DCUN1D1: variants seen among roughly 807,000 people sequenced by gnomAD.
The protein encoded by DCUN1D1 is DCN1-like protein 1.
DCUN1D1 carries 3 observed loss-of-function variants against 39.0 expected under a neutral mutation model. That is an observed-to-expected ratio of 0.08 (90% CI 0.04 to 0.20). The LOEUF is 0.20. Among genes scored for constraint, DCUN1D1 ranks in the 10% least tolerant of loss-of-function variants. The probability of loss-of-function intolerance (pLI) is 1.00; values close to 1 mark genes in which losing one functional copy is unlikely to be tolerated. For synonymous variants in DCUN1D1, 82 were observed against 96.3 expected (o/e 0.85, Z 0.87); for missense variants, 158 against 302.4 (o/e 0.52, Z 3.54).
At position 182,974,283 on chromosome 3, in the gene DCUN1D1, C is replaced by T. The variant is rs144592202; in HGVS notation, c.3+6204G>A. Among the ~76,000 whole-genome samples, 248 of 152,162 alleles carry T rather than the reference C, an allele frequency of 1.6e-3. 1 individual carries two copies. The highest frequency in any genetic ancestry group is 5.9e-3 in the African/African-American group (245 of 41,546). On this transcript the variant is annotated intron_variant, in intron 1 of 6. Transcript: ENST00000292782. ...AAACAAAAAACAAAAGTTATTTTTG[C>T]TAATTTCTGATTATGATAAATAAAA...
chr3:182,951,789 C>T (rs900345898), intron 4 of DCUN1D1, among the ~76,000 whole-genome samples: 6 of 151,186 alleles, frequency 4.0e-5, no homozygotes, highest in South Asian at 2.1e-4. Context: ...CTCCGCCTCC[C>T]GGGTTCAAGT....
intron 4 of DCUN1D1, among the ~76,000 whole-genome samples, chr3:182,959,864 G>C (rs975007242): frequency 6.6e-6 from 1 of 152,158 alleles, no homozygotes; most frequent in African/African-American, 2.4e-5. Flanking sequence ...TTCTCCTTTT[G>C]CAACAGTGAG....
At chr3:182,979,600 T>TC (rs1553846258) in intron 1 of DCUN1D1, among the ~76,000 whole-genome samples, 93 of 137,102 alleles carry the variant, frequency 6.8e-4, no homozygotes, top group South Asian at 4.5e-3. Flanking sequence ...GAGGACTTTT[T>TC]CCCCCCCCCA....
intron 1 of DCUN1D1, among the ~76,000 whole-genome samples, chr3:182,973,613 C>G: frequency 6.6e-6 from 1 of 152,102 alleles, no homozygotes; most frequent in Non-Finnish European, 1.5e-5. Flanking sequence ...TTGAGACCAC[C>G]CTGGCCAACA....
chr3:182,945,029 G>C lies in DCUN1D1; in HGVS notation c.*65C>G, dbSNP rs1380885262. ...CAGTTCAGTCCAGCCAGCAGAAATT[G>C]ACTGTGCAATTTTCTGTTGTATTTA... On this transcript the variant is annotated 3_prime_UTR_variant, in exon 7 of 7. Coordinates refer to ENST00000292782, the MANE Select transcript of DCUN1D1 (RefSeq NM_020640.4). 7.3e-7 allele frequency: 1 copy of C among 1,367,958 alleles called. No individual in the cohort carries two copies. The highest frequency in any genetic ancestry group is 1.0e-6 in the Non-Finnish European group (1 of 963,038). The allele number at this position is 1,367,958 out of a possible 1,614,324, so 84.7% of individuals were successfully genotyped here.
intron 4 of DCUN1D1, among the ~76,000 whole-genome samples, chr3:182,959,060 G>C (rs900610332): frequency 6.6e-6 from 1 of 152,008 alleles, no homozygotes; most frequent in African/African-American, 2.4e-5. Flanking sequence ...TAAATTCAAA[G>C]ACTTTAACAG....
chr3:182,961,310 G>T lies in DCUN1D1; in HGVS notation c.436C>A (p.Gln146Lys). The T allele has an allele frequency of 6.2e-7, 1 of 1,605,248 alleles. No individual in the cohort carries two copies. The highest frequency in any genetic ancestry group is 1.1e-5 in the South Asian group (1 of 89,404). The part of the protein sequence containing the change: ...KLKAQIPKME[Q>K]ELKEPGRFKD... ...AATCGTCCTGGTTCTTTCAATTCTT[G>T]TTCCATCTTGGGTATCTGGGCCTTT... The change falls in exon 4 of 7, where the codon CAA (glutamine) becomes AAA (lysine). Residue 146 changes from glutamine (Q) to lysine (K), a missense_variant. Transcript: ENST00000292782.
intron 6 of DCUN1D1, among the ~76,000 whole-genome samples, chr3:182,946,019 C>T (rs1026466803): frequency 6.6e-6 from 1 of 151,870 alleles, no homozygotes; most frequent in East Asian, 1.9e-4. Flanking sequence ...TCCAGGACAC[C>T]GAGATCACAG....
upstream of DCUN1D1, chr3:182,980,570 G>C (rs980274068): frequency 2.4e-4 from 281 of 1,165,674 alleles, 1 homozygote; most frequent in Admixed American, 2.5e-3. Flanking sequence ...CTCCTCTCAC[G>C]GGCTTGCCCG....
chr3:182,968,767 T>C (rs1186338551), intron 1 of DCUN1D1, among the ~76,000 whole-genome samples: 1 of 151,996 alleles, frequency 6.6e-6, no homozygotes, highest in African/African-American at 2.4e-5. Flanking sequence ...GCCCAGCTGA[T>C]TTTTGTATTT....
At chr3:182,965,894 T>C (rs145604724) in intron 1 of DCUN1D1, 141 bp from the exon 2 acceptor site, 1 of 634,640 alleles carries the variant, frequency 1.6e-6, no homozygotes. Context: ...TTATTTTTGA[T>C]CTATTATTCA....
At position 182,944,536 on chromosome 3, in the gene DCUN1D1, C is replaced by G. The variant is rs7623786; in HGVS notation, c.*558G>C. The stretch of plus-strand genomic sequence containing the variant: ...TTGTTTTTTCATCAGATACTCACAT[C>G]AACAACACATGTGATTTGCCAGGAA... On this transcript the variant is annotated 3_prime_UTR_variant, in exon 7 of 7. Transcript: ENST00000292782. The G allele has an allele frequency of 6.6e-6, 1 of 152,036 alleles. No individual in the cohort carries two copies. The highest frequency in any genetic ancestry group is 1.5e-5 in the Non-Finnish European group (1 of 67,946). The allele number at this position is 152,036 out of a possible 1,614,324, so 9.4% of individuals were successfully genotyped here. A position where few individuals can be genotyped will look rare whatever the true frequency, so the allele number is the denominator to read the frequency against.
intron 4 of DCUN1D1, among the ~76,000 whole-genome samples, chr3:182,957,672 T>A: frequency 6.6e-6 from 1 of 151,750 alleles, no homozygotes; most frequent in East Asian, 1.9e-4. Context: ...CTAAAGCAGA[T>A]GGCAACAGAG....
chr3:182,983,551 A>G (rs906452343), upstream of DCUN1D1, among the ~76,000 whole-genome samples: 1 of 152,086 alleles, frequency 6.6e-6, no homozygotes, highest in Non-Finnish European at 1.5e-5. Context: ...TCCCATCTCT[A>G]CTAAAATTAA....
rs73883989 is a variant in DCUN1D1 at position 182,979,692 on chromosome 3, C to T, written c.3+795G>A. Among the ~76,000 whole-genome samples, 639 of 149,372 alleles carry T rather than the reference C, an allele frequency of 4.3e-3. 4 individuals carry two copies. Among genetic ancestry groups the T allele is most frequent in the African/African-American group, 0.015 (600 of 40,934 alleles). On this transcript the variant is annotated intron_variant, in intron 1 of 6. Coordinates refer to ENST00000292782, the MANE Select transcript of DCUN1D1 (RefSeq NM_020640.4). ...TAACTACTATAATAAAGCAATTACT[C>T]CTCCCACCCCCAAGCAAATAAAATA...
chr3:182,975,682 T>TA (rs56722976), intron 1 of DCUN1D1, among the ~76,000 whole-genome samples: 4,115 of 121,884 alleles, frequency 0.034, 87 homozygotes, highest in African/African-American at 0.066. Context: ...CTTGCTGGGT[T>TA]AAAAAAAAAA....
chr3:182,940,962 T>C lies in DCUN1D1; in HGVS notation c.*4132A>G, dbSNP rs547326086. Reference sequence around the variant, plus strand: ...AGAATTCCACTAACTACAAAGGCTGTGCATCTTTTACCATAACTTCCTTAT... The same window carrying C: ...AGAATTCCACTAACTACAAAGGCTGCGCATCTTTTACCATAACTTCCTTAT... On this transcript the variant is annotated 3_prime_UTR_variant, in exon 7 of 7. Coordinates refer to ENST00000292782, the MANE Select transcript of DCUN1D1 (RefSeq NM_020640.4). The C allele has an allele frequency of 2.0e-5, 3 of 152,254 alleles. No homozygotes were observed. Among genetic ancestry groups the C allele is most frequent in the East Asian group, 3.9e-4 (2 of 5,178 alleles). The allele number at this position is 152,254 out of a possible 1,614,324, so 9.4% of individuals were successfully genotyped here.
chr3:182,949,709 C>T (rs1726608888), intron 4 of DCUN1D1, among the ~76,000 whole-genome samples: 1 of 152,022 alleles, frequency 6.6e-6, no homozygotes, highest in Admixed American at 6.6e-5. Flanking sequence ...TGACAGGTGA[C>T]ATCTCTTAAA....
Position 182,942,974 on chromosome 3 carries a change from A to C in DCUN1D1, c.*2120T>G, listed in dbSNP as rs1264090139. The C allele has an allele frequency of 6.6e-6, 1 of 152,164 alleles. No individual in the cohort carries two copies. The highest frequency in any genetic ancestry group is 1.5e-5 in the Non-Finnish European group (1 of 67,890). The allele number at this position is 152,164 out of a possible 1,614,324, so 9.4% of individuals were successfully genotyped here. On this transcript the variant is annotated 3_prime_UTR_variant, in exon 7 of 7. Transcript: ENST00000292782. The stretch of plus-strand genomic sequence containing the variant: ...TATGTATTTTTGTTTATAATTACAC[A>C]GTAATTATAAATGTTTAGTACCAAC...
Sources: allele counts gnomAD v4.1 joint callset (sites outside exome capture counted in the v4.1 genomes callset), GRCh38; gene constraint gnomAD v4.1.1; transcripts MANE v1.5; gene names NCBI Gene and HGNC (gene_info 2026-07-23, HGNC 2026-07-21).